The following RAD51B variants were observed in gnomAD, a reference collection of about 807,000 sequenced individuals.
RAD51B encodes the protein RAD51 paralog B, also known as DNA repair protein RAD51 homolog 2.
Under a neutral mutation model 42.2 loss-of-function variants are expected in RAD51B, and 38 were observed. That is an observed-to-expected ratio of 0.90 (90% CI 0.70 to 1.18). RAD51B has a LOEUF of 1.18. Ranked by LOEUF, RAD51B falls within the 50% of genes most tolerant of loss-of-function variation. The pLI is 0.00. For synonymous variants in RAD51B, 154 were observed against 145.2 expected (o/e 1.06, Z -0.43); for missense variants, 373 against 400.7 (o/e 0.93, Z 0.59).
At chr14:68,434,516 G>T (rs1049938486) in intron 9 of RAD51B, among the ~76,000 whole-genome samples, 2 of 152,196 alleles carry the variant, frequency 1.3e-5, no homozygotes, top group Admixed American at 1.3e-4. Context: ...AATGAGCGAG[G>T]CTCCATGGGC....
Position 68,462,250 on chromosome 14 carries a change from G to A in RAD51B, c.958-5922G>A, listed in dbSNP as rs533325400. Among the ~76,000 whole-genome samples, 3 of 152,310 alleles carry A rather than the reference G, an allele frequency of 2.0e-5. No homozygotes were observed. The East Asian group carries it at 5.8e-4, about 29-fold the overall frequency. ...TTGAATGCCCTAGAGTGAGGAGCAC[G>A]TAGTGGAATGTCACAGTGGAAAAAG... On this transcript the variant is annotated intron_variant, in intron 9 of 10. Transcript: ENST00000471583.
chr14:67,947,026 C>T (rs536496493), intron 7 of RAD51B, among the ~76,000 whole-genome samples: 16 of 152,224 alleles, frequency 1.1e-4, no homozygotes, highest in Non-Finnish European at 7.3e-5. Flanking sequence ...CCCTGTTATA[C>T]ATAATAATAA....
At chr14:67,955,603 C>T (rs2074531902) in intron 7 of RAD51B, among the ~76,000 whole-genome samples, 1 of 152,130 alleles carries the variant, frequency 6.6e-6, no homozygotes, top group South Asian at 2.1e-4. Flanking sequence ...TTCAAGAAGA[C>T]CTTAATTTTC....
intron 3 of RAD51B, among the ~76,000 whole-genome samples, chr14:67,827,261 G>C (rs2040865764): frequency 6.6e-6 from 1 of 152,098 alleles, no homozygotes; most frequent in Non-Finnish European, 1.5e-5. Flanking sequence ...ATTCTAATTA[G>C]TCAATATCCA....
chr14:68,662,955 C>A (rs1452057357), intron 11 of RAD51B, among the ~76,000 whole-genome samples: 2 of 152,194 alleles, frequency 1.3e-5, no homozygotes, highest in Non-Finnish European at 2.9e-5. Flanking sequence ...TACTGGGCAC[C>A]CTTGCCCTCT....
chr14:67,944,128 A>G (rs2045304137), intron 7 of RAD51B, among the ~76,000 whole-genome samples: 1 of 151,968 alleles, frequency 6.6e-6, no homozygotes, highest in Admixed American at 6.6e-5. Context: ...AGAAAACTAA[A>G]GCACATTTTA....
intron 7 of RAD51B, among the ~76,000 whole-genome samples, chr14:68,094,930 G>GT (rs1392278673): frequency 2.0e-5 from 3 of 152,118 alleles, no homozygotes; most frequent in South Asian, 2.1e-4. Flanking sequence ...AGGAATTTAT[G>GT]TTTTTTTCCT....
At chr14:67,849,819 T>C (rs752923731) in intron 4 of RAD51B, among the ~76,000 whole-genome samples, 1 of 152,230 alleles carries the variant, frequency 6.6e-6, no homozygotes, top group Non-Finnish European at 1.5e-5. Context: ...TTTTCTTTTA[T>C]ATCTTTGAGT....
intron 7 of RAD51B, among the ~76,000 whole-genome samples, chr14:68,221,831 C>G (rs190679926): frequency 6.6e-6 from 1 of 152,160 alleles, no homozygotes; most frequent in East Asian, 1.9e-4. Flanking sequence ...AGAACTCAAA[C>G]AAATCATCAA....
intron 8 of RAD51B, among the ~76,000 whole-genome samples, chr14:68,335,252 G>A (rs1476845810): frequency 2.2e-5 from 3 of 138,816 alleles, no homozygotes; most frequent in Non-Finnish European, 4.5e-5. Flanking sequence ...AGCCGAGATC[G>A]CACCACTGCA....
intron 7 of RAD51B, among the ~76,000 whole-genome samples, chr14:67,962,378 G>T (rs1418298872): frequency 2.0e-5 from 3 of 152,020 alleles, no homozygotes; most frequent in Admixed American, 1.3e-4. Context: ...GGTAGAGAAG[G>T]TTCAACATCA....
At chr14:68,678,004 G>A (rs1469775230) in intron 11 of RAD51B, among the ~76,000 whole-genome samples, 4 of 152,092 alleles carry the variant, frequency 2.6e-5, no homozygotes, top group Admixed American at 6.5e-5. Flanking sequence ...GCCAGGCTCC[G>A]TGCTAAGCAT....
intron 9 of RAD51B, among the ~76,000 whole-genome samples, chr14:68,458,529 GTTATA>G (rs1369436002): frequency 6.6e-6 from 1 of 151,926 alleles, no homozygotes; most frequent in Non-Finnish European, 1.5e-5. Flanking sequence ...AACTTGATGT[GTTATA>G]TTATAGGTAA....
At chr14:68,433,565 A>G (rs1401214367) in intron 9 of RAD51B, among the ~76,000 whole-genome samples, 2 of 152,150 alleles carry the variant, frequency 1.3e-5, no homozygotes. Flanking sequence ...TGCATTCATC[A>G]CGTAGTTCTC....
At chr14:68,314,029 C>G (rs1447929319) in intron 8 of RAD51B, among the ~76,000 whole-genome samples, 4 of 152,150 alleles carry the variant, frequency 2.6e-5, no homozygotes, top group African/African-American at 7.2e-5. Flanking sequence ...GTTCATCTAG[C>G]TTCCTATTAA....
intron 8 of RAD51B, among the ~76,000 whole-genome samples, chr14:68,367,072 T>A (rs777736780): frequency 2.6e-5 from 4 of 152,236 alleles, no homozygotes; most frequent in Admixed American, 6.5e-5. Context: ...ACAGATTTTT[T>A]TCAGAGCATT....
chr14:68,054,975 G>T (rs943440485), intron 7 of RAD51B, among the ~76,000 whole-genome samples: 1 of 152,218 alleles, frequency 6.6e-6, no homozygotes, highest in South Asian at 2.1e-4. Context: ...CTTGGTGTGT[G>T]GGGGGAAAAT....
intron 11 of RAD51B, among the ~76,000 whole-genome samples, chr14:68,678,896 G>A (rs1319644964): frequency 6.6e-6 from 1 of 151,750 alleles, no homozygotes; most frequent in Non-Finnish European, 1.5e-5. Context: ...TTCTTCCCCT[G>A]CCCAGATGCT....
At chr14:67,894,808 G>A (rs1157670149) in intron 7 of RAD51B, among the ~76,000 whole-genome samples, 3 of 152,174 alleles carry the variant, frequency 2.0e-5, no homozygotes, top group Non-Finnish European at 4.4e-5. Context: ...TTGAGACAAG[G>A]TCTCTCTCTT....
Sources: gnomAD v4.1 joint callset for allele counts (sites outside exome capture counted in the v4.1 genomes callset) on GRCh38, gnomAD v4.1.1 for gene constraint, MANE v1.5 for transcripts, NCBI Gene and HGNC (gene_info 2026-07-23, HGNC 2026-07-21) for gene names.